The following GPR173 variants were observed in gnomAD, a reference collection of about 807,000 sequenced individuals.
The protein encoded by GPR173 is G protein-coupled receptor 173.
In GPR173, 2 loss-of-function variants were observed where a neutral mutation model predicts 13.9. That is an observed-to-expected ratio of 0.14 (90% CI 0.06 to 0.45). The LOEUF (loss-of-function observed/expected upper bound fraction) is 0.45. Ranked by LOEUF, GPR173 falls within the 20% of genes least tolerant of loss-of-function variation. The pLI, the probability that GPR173 is intolerant of heterozygous loss-of-function variation, is 0.98. For synonymous variants in GPR173, 131 were observed against 141.0 expected, an observed-to-expected ratio of 0.93 and a Z score of 0.50; for missense variants, 202 against 340.5, an observed-to-expected ratio of 0.59 and a Z score of 3.20.
rs1178284756 is a variant in GPR173, at chrX:53,048,922, TG to T, written c.-656del. 6.3e-5 allele frequency among the ~76,000 whole-genome samples: 7 copies of T among 110,346 alleles called. No homozygotes were observed. The highest frequency in any genetic ancestry group is 3.8e-4 in the Admixed American group (4 of 10,573). On this transcript the variant is annotated 5_prime_UTR_variant, in exon 1 of 2. It removes the in-frame stop codon of an upstream open reading frame in the 5' UTR. Transcript: ENST00000332582. ...AGCCTGGATGAGAGCCCCCCCAACC[TG>T]GGGCTCTCCCAGGCCATGGCCCGTG...
chrX:53,068,952 CTTTTTTTTTTTTT>C (rs144589965), intron 1 of GPR173, among the ~76,000 whole-genome samples: 1 of 64,914 alleles, frequency 1.5e-5, no homozygotes, highest in Admixed American at 1.7e-4. Flanking sequence ...GACCTTGTCT[CTTTTTTTTTTTTT>C]TTTTTTTTGA....
intron 1 of GPR173, among the ~76,000 whole-genome samples, chrX:53,051,941 A>G (rs1453965223): frequency 9.0e-6 from 1 of 110,588 alleles, no homozygotes; most frequent in African/African-American, 3.3e-5. Flanking sequence ...GTGTGTGTGT[A>G]TATATGAGTG....
intron 1 of GPR173, chrX:53,070,840 T>C (rs1556804701): frequency 8.9e-6 from 1 of 112,036 alleles, no homozygotes; most frequent in Non-Finnish European, 1.9e-5. Flanking sequence ...CCATTTTGTA[T>C]TAACTATAAT....
At chrX:53,061,114 T>C (rs1055889453) in intron 1 of GPR173, among the ~76,000 whole-genome samples, 13 of 107,793 alleles carry the variant, frequency 1.2e-4, no homozygotes, top group Admixed American at 5.0e-4. Flanking sequence ...TCCCAGCTAC[T>C]GGGGAGGCTG....
At position 53,080,532 on chromosome X, in the gene GPR173, GTTTA is replaced by G. The variant is rs1932521723; in HGVS notation, c.*2794_*2797del. 1 of 122,220 alleles carries G rather than the reference GTTTA, an allele frequency of 8.2e-6. No homozygotes were observed. Among genetic ancestry groups the G allele is most frequent in the Admixed American group, 9.6e-5 (1 of 10,434 alleles). 10.1% of individuals were successfully genotyped at this position (122,220 alleles called of 1,213,427 possible). Reference sequence around the variant, plus strand: ...CGTCCTTCCAATCCACCGTTCATGTGTTTATTTACATATATGTGTATCTGTGAAA... The same window carrying G: ...CGTCCTTCCAATCCACCGTTCATGTGTTTACATATATGTGTATCTGTGAAA... On this transcript the variant is annotated 3_prime_UTR_variant, in exon 2 of 2. Transcript: ENST00000332582.
At chrX:53,071,850 ATGTGTGAGTG>A (rs1556804792) in intron 1 of GPR173, among the ~76,000 whole-genome samples, 1 of 111,014 alleles carries the variant, frequency 9.0e-6, no homozygotes, top group Non-Finnish European at 1.9e-5. Context: ...GCGTGTGCGT[ATGTGTGAGTG>A]TGTGTGTGTA....
chrX:53,059,257 AAAAATAAAAT>A, intron 1 of GPR173, among the ~76,000 whole-genome samples: 1 of 107,281 alleles, frequency 9.3e-6, no homozygotes, highest in Non-Finnish European at 1.9e-5. Flanking sequence ...TCAAAAAATA[AAAAATAAAAT>A]AAAATAAAAT....
At chrX:53,072,215 C>G (rs977683084) in intron 1 of GPR173, among the ~76,000 whole-genome samples, 7 of 110,446 alleles carry the variant, frequency 6.3e-5, no homozygotes, top group Non-Finnish European at 7.6e-5. Flanking sequence ...TATCCACCTT[C>G]TCGGTCTTAG....
chrX:53,061,242 A>G (rs1314566846), intron 1 of GPR173, among the ~76,000 whole-genome samples: 1 of 110,399 alleles, frequency 9.1e-6, no homozygotes, highest in Admixed American at 9.7e-5. Context: ...AAAAGAAAGA[A>G]AGGCAGTTAT....
intron 1 of GPR173, among the ~76,000 whole-genome samples, chrX:53,055,860 G>A (rs1332885723): frequency 7.4e-5 from 8 of 107,754 alleles, no homozygotes; most frequent in Non-Finnish European, 1.5e-4. Flanking sequence ...TGGAGTGTGC[G>A]TGTGCTGTAA....
chrX:53,077,404 C>T lies in GPR173; in HGVS notation c.783C>T (p.Ile261=), dbSNP rs782567950. 8.3e-7 allele frequency: 1 copy of T among 1,204,251 alleles called. No individual in the cohort carries two copies. Among genetic ancestry groups the T allele is most frequent in the Admixed American group, 2.2e-5 (1 of 45,343 alleles). Residue 261 remains isoleucine (I), a synonymous_variant, in exon 2 of 2, where the codon ATC becomes ATT. Coordinates refer to ENST00000332582, the MANE Select transcript of GPR173 (RefSeq NM_018969.6). ...CCATGCCACCAACCCTGCTGGGTAT[C>T]CGGCAGAATGGGCATGCAGCCAGCC... ...RGPMPPTLLG[I]RQNGHAASRR...
intron 1 of GPR173, among the ~76,000 whole-genome samples, chrX:53,053,992 C>G (rs781874906): frequency 3.4e-4 from 38 of 112,260 alleles, no homozygotes; most frequent in Middle Eastern, 4.6e-3. Flanking sequence ...TCTCATCCCC[C>G]CAACCATCAA....
intron 1 of GPR173, among the ~76,000 whole-genome samples, chrX:53,060,513 G>A (rs782630379): frequency 1.9e-5 from 2 of 106,099 alleles, no homozygotes; most frequent in South Asian, 8.9e-4. Flanking sequence ...CCAGGAGGCA[G>A]AGGATGCAGT....
intron 1 of GPR173, among the ~76,000 whole-genome samples, chrX:53,055,451 G>C (rs782131145): frequency 9.0e-6 from 1 of 110,532 alleles, no homozygotes; most frequent in South Asian, 3.9e-4. Context: ...GGTATGTCTG[G>C]ATGGCGTGTG....
chrX:53,058,588 G>T (rs1932074760), intron 1 of GPR173, among the ~76,000 whole-genome samples: 1 of 111,601 alleles, frequency 9.0e-6, no homozygotes, highest in Admixed American at 9.6e-5. Context: ...GTAGCAGTGA[G>T]GCTGAGCCAT....
At chrX:53,067,940 TAGTA>T (rs1300693082) in intron 1 of GPR173, among the ~76,000 whole-genome samples, 1 of 112,038 alleles carries the variant, frequency 8.9e-6, no homozygotes, top group Non-Finnish European at 1.9e-5. Flanking sequence ...AAACAAAAGA[TAGTA>T]AGTATGAAAT....
At chrX:53,062,198 C>T (rs1490988611) in intron 1 of GPR173, among the ~76,000 whole-genome samples, 7 of 110,834 alleles carry the variant, frequency 6.3e-5, no homozygotes, top group African/African-American at 1.6e-4. Flanking sequence ...ACATGAACTT[C>T]GGAGGACACA....
rs1932466436 is a variant in GPR173 at position 53,077,978 on chromosome X, T to C, written c.*235T>C. The C allele has an allele frequency of 2.5e-6, 1 of 398,422 alleles. No individual in the cohort carries two copies. Among genetic ancestry groups the C allele is most frequent in the Non-Finnish European group, 4.5e-6 (1 of 224,634 alleles). 32.8% of individuals were successfully genotyped at this position (398,422 alleles called of 1,213,427 possible). ...GTGGGGCCTGTCTCCGCTGCCTCCT[T>C]CTCCACTTCTACAATCTCATTCTCT... On this transcript the variant is annotated 3_prime_UTR_variant, in exon 2 of 2. Coordinates refer to ENST00000332582, the MANE Select transcript of GPR173 (RefSeq NM_018969.6).
At chrX:53,075,032 A>G (rs2146685619) in intron 1 of GPR173, among the ~76,000 whole-genome samples, 1 of 102,535 alleles carries the variant, frequency 9.8e-6, no homozygotes, top group East Asian at 3.0e-4. Flanking sequence ...CGTGACTCCC[A>G]TCTCATTCAG....
Sources: allele counts gnomAD v4.1 joint callset (sites outside exome capture counted in the v4.1 genomes callset), GRCh38; gene constraint gnomAD v4.1.1; transcripts MANE v1.5; gene names NCBI Gene and HGNC (gene_info 2026-07-23, HGNC 2026-07-21).